The following CFAP300 variants were observed in gnomAD, a reference collection of about 807,000 sequenced individuals.
CFAP300 encodes cilia and flagella associated protein 300, also known as cilia- and flagella-associated protein 300.
A neutral mutation model predicts 33.0 loss-of-function variants in CFAP300; 32 were observed. The ratio of observed to expected loss-of-function variants is 0.97; its 90% CI spans 0.73 to 1.30. The LOEUF is 1.30. CFAP300 is among the 50% of genes most tolerant of loss of function. The probability of loss-of-function intolerance (pLI) is 0.00; values close to 1 mark genes in which losing one functional copy is unlikely to be tolerated. For missense variants in CFAP300, 356 were observed against 318.1 expected (o/e 1.12, Z -0.90); for synonymous variants, 102 against 106.8 (o/e 0.95, Z 0.28).
intron 2 of CFAP300, among the ~76,000 whole-genome samples, chr11:102,054,931 A>G (rs1225468983): frequency 2.0e-5 from 3 of 151,022 alleles, no homozygotes; most frequent in Non-Finnish European, 3.0e-5. Flanking sequence ...TACCCTCTCA[A>G]CCCTCCTCAC....
At chr11:102,059,569 A>G (rs1397667919) in intron 3 of CFAP300, among the ~76,000 whole-genome samples, 2 of 151,972 alleles carry the variant, frequency 1.3e-5, no homozygotes, top group Admixed American at 1.3e-4. Flanking sequence ...AATTGATTGG[A>G]CCTGGGAGGT....
At chr11:102,075,618 A>G (rs1338534820) in intron 4 of CFAP300, among the ~76,000 whole-genome samples, 1 of 152,176 alleles carries the variant, frequency 6.6e-6, no homozygotes, top group Non-Finnish European at 1.5e-5. Flanking sequence ...AAACTAGAAA[A>G]AAGAAATAAA....
intron 2 of CFAP300, among the ~76,000 whole-genome samples, chr11:102,053,128 C>T (rs981283352): frequency 7.2e-5 from 11 of 152,022 alleles, no homozygotes; most frequent in African/African-American, 2.7e-4. Context: ...ACTCAGGAGG[C>T]TGAGGCAGGA....
At chr11:102,078,954 C>T (rs1423508439) in intron 5 of CFAP300, among the ~76,000 whole-genome samples, 2 of 152,154 alleles carry the variant, frequency 1.3e-5, no homozygotes, top group African/African-American at 4.8e-5. Flanking sequence ...AGGCAATCTG[C>T]CCACCTCGGC....
chr11:102,073,941 A>G (rs764272948), intron 4 of CFAP300, among the ~76,000 whole-genome samples: 78 of 152,236 alleles, frequency 5.1e-4, no homozygotes, highest in Non-Finnish European at 8.7e-4. Context: ...CAAGGTTGCT[A>G]TCAGTGACAG....
intron 5 of CFAP300, among the ~76,000 whole-genome samples, chr11:102,077,973 G>C (rs1314175012): frequency 6.6e-6 from 1 of 151,964 alleles, no homozygotes; most frequent in African/African-American, 2.4e-5. Flanking sequence ...TCACTGCAAC[G>C]TCTGCCTCCT....
chr11:102,050,382 C>T (rs1311422641), intron 2 of CFAP300, among the ~76,000 whole-genome samples: 1 of 152,152 alleles, frequency 6.6e-6, no homozygotes, highest in African/African-American at 2.4e-5. Context: ...GCTGTTTCTA[C>T]AACAAAAACT....
At chr11:102,066,452 T>C (rs925487922) in intron 3 of CFAP300, 33 bp from the exon 4 acceptor site, 2 of 1,478,182 alleles carry the variant, frequency 1.4e-6, no homozygotes, top group African/African-American at 2.8e-5. Context: ...TTAATTTTTC[T>C]ATCTCCATTC....
chr11:102,056,884 C>T (rs1199016566), intron 2 of CFAP300, among the ~76,000 whole-genome samples: 2 of 152,026 alleles, frequency 1.3e-5, no homozygotes, highest in African/African-American at 2.4e-5. Context: ...CTTGGCCTCC[C>T]AAAGTCCTGG....
intron 4 of CFAP300, among the ~76,000 whole-genome samples, chr11:102,072,014 C>T (rs138297167): frequency 3.4e-4 from 52 of 152,106 alleles, no homozygotes; most frequent in African/African-American, 1.1e-3. Context: ...TGTATCTGGT[C>T]GTCTAAATCT....
intron 3 of CFAP300, among the ~76,000 whole-genome samples, chr11:102,059,496 A>G (rs1942111983): frequency 6.6e-6 from 1 of 152,024 alleles, no homozygotes; most frequent in Admixed American, 6.6e-5. Context: ...TAAAAATACA[A>G]AAATTAGCCA....
At chr11:102,066,463 T>C (rs758308291) in intron 3 of CFAP300, 22 bp from the exon 4 acceptor site, 3 of 1,540,086 alleles carry the variant, frequency 1.9e-6, no homozygotes, top group Admixed American at 1.9e-5. Flanking sequence ...ATCTCCATTC[T>C]TTATAAAATA....
At chr11:102,055,505 A>G (rs930543777) in intron 2 of CFAP300, among the ~76,000 whole-genome samples, 1 of 142,164 alleles carries the variant, frequency 7.0e-6, no homozygotes, top group Non-Finnish European at 1.5e-5. Flanking sequence ...CCACAGGTGC[A>G]CAGCACTGTG....
At position 102,083,128 on chromosome 11, in the gene CFAP300, T is replaced by C. The variant is rs1211467328; in HGVS notation, c.733T>C (p.Phe245Leu). ...AKNHEQTFSY[F>L]IVDPIRRHLH... ...GAATCATGAACAGACATTTTCTTAC[T>C]TTATTGTGGATCCTATCAGGCGTCA... Residue 245 changes from phenylalanine to leucine, a missense_variant, in exon 7 of 7, where the codon TTT (phenylalanine) becomes CTT (leucine). Phe to Leu is a conservative substitution (Grantham distance 22). Coordinates refer to ENST00000434758, the MANE Select transcript of CFAP300 (RefSeq NM_032930.3). 2.4e-5 allele frequency: 37 copies of C among 1,562,256 alleles called. No individual in the cohort carries two copies. Among genetic ancestry groups the C allele is most frequent in the Non-Finnish European group, 3.1e-5 (36 of 1,152,042 alleles).
chr11:102,071,733 T>C (rs1049856262), intron 4 of CFAP300, among the ~76,000 whole-genome samples: 3 of 152,170 alleles, frequency 2.0e-5, no homozygotes, highest in East Asian at 1.9e-4. Flanking sequence ...TATAGTATTT[T>C]TGGCTGCTAG....
chr11:102,073,309 A>T (rs942565709), intron 4 of CFAP300, among the ~76,000 whole-genome samples: 8 of 152,122 alleles, frequency 5.3e-5, no homozygotes, highest in African/African-American at 1.9e-4. Context: ...CCCAGGGAGC[A>T]AGTATGGGTG....
intron 6 of CFAP300, among the ~76,000 whole-genome samples, chr11:102,082,428 A>T (rs1475949448): frequency 6.6e-6 from 1 of 152,122 alleles, no homozygotes; most frequent in Non-Finnish European, 1.5e-5. Flanking sequence ...AAAATTGCTA[A>T]ATATAAAATT....
chr11:102,077,420 C>G (rs1016558250), intron 5 of CFAP300, among the ~76,000 whole-genome samples: 1 of 152,168 alleles, frequency 6.6e-6, no homozygotes, highest in African/African-American at 2.4e-5. Flanking sequence ...CACAGTCCAT[C>G]CCTTATGTTT....
intron 3 of CFAP300, among the ~76,000 whole-genome samples, chr11:102,065,615 A>G (rs1369729680): frequency 6.6e-6 from 1 of 151,860 alleles, no homozygotes; most frequent in South Asian, 2.1e-4. Context: ...AAAAAATACA[A>G]AATTAGCCAG....
Sources: gnomAD v4.1 joint callset for allele counts (sites outside exome capture counted in the v4.1 genomes callset) on GRCh38, gnomAD v4.1.1 for gene constraint, MANE v1.5 for transcripts, NCBI Gene and HGNC (gene_info 2026-07-23, HGNC 2026-07-21) for gene names.